PHACTR1: variants seen among roughly 807,000 people sequenced by gnomAD.
PHACTR1 encodes the protein phosphatase and actin regulator 1, also known as RPEL repeat containing 1.
In PHACTR1, 16 loss-of-function variants were observed where a neutral mutation model predicts 69.2. That is an observed-to-expected ratio of 0.23 (90% CI 0.16 to 0.35). PHACTR1 has a LOEUF of 0.35. PHACTR1 is among the 10% of genes least tolerant of loss of function. The pLI, the probability that PHACTR1 is intolerant of heterozygous loss-of-function variation, is 1.00. For synonymous variants in PHACTR1, 312 were observed against 284.5 expected (o/e 1.10, Z -0.97); for missense variants, 510 against 734.7 (o/e 0.69, Z 3.54).
chr6:12,897,489 T>C lies in PHACTR1; in HGVS notation c.250+147699T>C, dbSNP rs566970011. ...ATGCTACAAATAAAGCCTCCACCAA[T>C]CCTGCATCCTCTCATTATTGCCATA... On this transcript the variant is annotated intron_variant, in intron 4 of 14. Coordinates refer to ENST00000332995, the MANE Select transcript of PHACTR1 (RefSeq NM_030948.6). Among the ~76,000 whole-genome samples, 4 of 152,052 alleles carry C rather than the reference T, an allele frequency of 2.6e-5. No individual in the cohort carries two copies. The East Asian group carries it at 7.8e-4, about 30-fold the overall frequency.
intron 4 of PHACTR1, among the ~76,000 whole-genome samples, chr6:12,876,205 A>T (rs1782515577): frequency 1.3e-5 from 2 of 152,202 alleles, no homozygotes; most frequent in African/African-American, 4.8e-5. Context: ...GCTGGATTTC[A>T]GTCATACCTT....
chr6:12,940,736 C>T (rs1057132995), intron 4 of PHACTR1, among the ~76,000 whole-genome samples: 1 of 152,166 alleles, frequency 6.6e-6, no homozygotes, highest in African/African-American at 2.4e-5. Context: ...TCTCTGAGTG[C>T]TGTGCTGCTC....
At chr6:12,754,227 C>T (rs1767008337) in intron 4 of PHACTR1, among the ~76,000 whole-genome samples, 1 of 150,208 alleles carries the variant, frequency 6.7e-6, no homozygotes, top group Admixed American at 6.7e-5. Context: ...CCTGCCTTGG[C>T]CTCCCAAAGT....
At chr6:13,046,283 A>T (rs754677094) in intron 4 of PHACTR1, among the ~76,000 whole-genome samples, 2 of 152,096 alleles carry the variant, frequency 1.3e-5, no homozygotes, top group Non-Finnish European at 2.9e-5. Context: ...ACCCATCCCC[A>T]CCGGGACTTG....
chr6:13,209,568 A>G (rs147735438), intron 8 of PHACTR1, among the ~76,000 whole-genome samples: 266 of 152,372 alleles, frequency 1.7e-3, no homozygotes, highest in Admixed American at 3.3e-3. Context: ...GGTAATATAC[A>G]AAGTTGAATG....
intron 4 of PHACTR1, among the ~76,000 whole-genome samples, chr6:13,011,623 G>C (rs994769714): frequency 2.6e-5 from 4 of 152,156 alleles, no homozygotes; most frequent in African/African-American, 9.7e-5. Flanking sequence ...ATAAAAGATT[G>C]CTTCAGTCTT....
At chr6:12,847,967 C>T (rs548329900) in intron 4 of PHACTR1, among the ~76,000 whole-genome samples, 2 of 152,078 alleles carry the variant, frequency 1.3e-5, no homozygotes, top group African/African-American at 2.4e-5. Flanking sequence ...TTTATTTGAA[C>T]TTTGATATAT....
chr6:13,282,449 C>G (rs923985731), intron 12 of PHACTR1, among the ~76,000 whole-genome samples: 3 of 152,190 alleles, frequency 2.0e-5, no homozygotes, highest in Admixed American at 6.5e-5. Flanking sequence ...ATCCCTCATT[C>G]CTGCAGTCCT....
intron 4 of PHACTR1, among the ~76,000 whole-genome samples, chr6:12,884,730 G>A (rs1344025188): frequency 6.6e-6 from 1 of 151,984 alleles, no homozygotes. Flanking sequence ...CAAAATCATG[G>A]CAGGCATCAA....
chr6:13,170,588 T>C (rs1760455028), intron 6 of PHACTR1, among the ~76,000 whole-genome samples: 1 of 152,198 alleles, frequency 6.6e-6, no homozygotes, highest in Admixed American at 6.5e-5. Context: ...AGAAAAATGT[T>C]CCAGATTTCA....
chr6:13,064,612 ATC>A (rs1478017362), intron 5 of PHACTR1, among the ~76,000 whole-genome samples: 235 of 12,214 alleles, frequency 0.019, 59 homozygotes, highest in East Asian at 0.025. Context: ...ATATCTATAT[ATC>A]TATCTATCCA....
chr6:12,734,829 T>C, intron 3 of PHACTR1, among the ~76,000 whole-genome samples: 1 of 152,194 alleles, frequency 6.6e-6, no homozygotes, highest in Non-Finnish European at 1.5e-5. Context: ...TTAATTTTTG[T>C]TTTCTGTCTT....
intron 3 of PHACTR1, among the ~76,000 whole-genome samples, chr6:12,746,354 C>T (rs897126178): frequency 2.6e-5 from 4 of 152,038 alleles, no homozygotes; most frequent in African/African-American, 7.3e-5. Context: ...GTCAACATAG[C>T]GAAACTCTAG....
intron 4 of PHACTR1, among the ~76,000 whole-genome samples, chr6:12,991,639 T>C (rs1484099399): frequency 6.6e-6 from 1 of 152,190 alleles, no homozygotes; most frequent in African/African-American, 2.4e-5. Flanking sequence ...CTCATCAGCA[T>C]TTTGTTGCCA....
rs748415630 is a variant in PHACTR1 at position 13,283,394 on chromosome 6, C to T, written c.1510-28C>T. On this transcript the variant is annotated intron_variant, in intron 12 of 14. Transcript: ENST00000332995. This position sits in a 1 kb window ranked among gnomAD's most constrained non-coding sequence, Gnocchi z 4.7. The stretch of plus-strand genomic sequence containing the variant: ...TGCCATGGTCAACCCTTCTGGCTGA[C>T]TGGGTCCATCTCTCTCCCTCCCTGC... The T allele has an allele frequency of 1.9e-6, 3 of 1,611,248 alleles. No individual in the cohort carries two copies. Among genetic ancestry groups the T allele is most frequent in the Admixed American group, 3.3e-5 (2 of 59,962 alleles).
rs986298828 is a variant in PHACTR1 at position 13,129,549 on chromosome 6, TA to T, written c.416-30646del. Among the ~76,000 whole-genome samples the T allele has an allele frequency of 2.7e-5, 4 of 150,608 alleles. No individual in the cohort carries two copies. The East Asian group carries it at 5.8e-4, about 22-fold the overall frequency. ...AAACAGACTTTAAAGCAACAACAGT[TA>T]AAAAAAAATAGGGACTTACATAATG... On this transcript the variant is annotated intron_variant, in intron 5 of 14. Transcript: ENST00000332995.
intron 8 of PHACTR1, among the ~76,000 whole-genome samples, chr6:13,211,825 GC>G (rs1227920021): frequency 6.6e-6 from 1 of 152,132 alleles, no homozygotes; most frequent in Non-Finnish European, 1.5e-5. Context: ...CACCTGCTCT[GC>G]AGCCCATCCC....
intron 6 of PHACTR1, among the ~76,000 whole-genome samples, chr6:13,171,163 TCCCCACCCCA>T (rs57835953): frequency 6.7e-6 from 1 of 150,298 alleles, no homozygotes; most frequent in Non-Finnish European, 1.5e-5. Flanking sequence ...CTCTTCACAG[TCCCCACCCCA>T]CCCCACCCCA....
In PHACTR1 at chr6:12,780,877, T is replaced by G. The variant is rs188434374; in HGVS notation, c.250+31087T>G. On this transcript the variant is annotated intron_variant, in intron 4 of 14. Coordinates refer to ENST00000332995, the MANE Select transcript of PHACTR1 (RefSeq NM_030948.6). ...TGTCAGCCCCTCTGTGCTAGATGGC[T>G]TTGGAGGACAGATGAAGTGGGGGAA... is the stretch of plus-strand genomic sequence containing the variant. Among the ~76,000 whole-genome samples the G allele has an allele frequency of 2.6e-3, 391 of 152,278 alleles. 2 individuals carry two copies. Among genetic ancestry groups the G allele is most frequent in the African/African-American group, 8.9e-3 (371 of 41,556 alleles).
Sources: allele counts gnomAD v4.1 joint callset (sites outside exome capture counted in the v4.1 genomes callset), GRCh38; gene constraint gnomAD v4.1.1; non-coding constraint Gnocchi (gnomAD v3.1); transcripts MANE v1.5; gene names NCBI Gene and HGNC (gene_info 2026-07-23, HGNC 2026-07-21).